CNTN4: variants seen among roughly 807,000 people sequenced by gnomAD.
The protein encoded by CNTN4 is contactin-4.
In CNTN4, 77 loss-of-function variants were observed where a neutral mutation model predicts 122.5. The ratio of observed to expected loss-of-function variants is 0.63; its 90% CI spans 0.52 to 0.76. The LOEUF is 0.76. Among genes scored for constraint, CNTN4 ranks in the 30% least tolerant of loss-of-function variants. The pLI, the probability that CNTN4 is intolerant of heterozygous loss-of-function variation, is 0.00. For synonymous variants in CNTN4, 512 were observed against 447.0 expected (o/e 1.15, Z -1.83); for missense variants, 1,256 against 1,259.1 (o/e 1.00, Z 0.04).
At chr3:2,519,373 A>C (rs1385423050) in intron 3 of CNTN4, among the ~76,000 whole-genome samples, 1 of 152,190 alleles carries the variant, frequency 6.6e-6, no homozygotes, top group African/African-American at 2.4e-5. Flanking sequence ...CATGATCTAC[A>C]GATTGTCTTG....
intron 3 of CNTN4, among the ~76,000 whole-genome samples, chr3:2,377,179 A>G (rs1378084063): frequency 6.6e-6 from 1 of 151,118 alleles, no homozygotes. Flanking sequence ...AAAAAAGAAA[A>G]TGACAGAGCT....
chr3:2,932,165 C>T (rs1378371671), intron 13 of CNTN4, among the ~76,000 whole-genome samples: 2 of 152,018 alleles, frequency 1.3e-5, no homozygotes, highest in South Asian at 4.2e-4. Flanking sequence ...ATCACGAGGT[C>T]AGGAGATCGA....
intron 14 of CNTN4, among the ~76,000 whole-genome samples, chr3:3,007,839 C>T (rs770164754): frequency 1.4e-4 from 22 of 152,026 alleles, no homozygotes; most frequent in Non-Finnish European, 2.5e-4. Context: ...ATCTTTTATC[C>T]CAATTAGAAT....
chr3:2,865,739 A>G (rs964186094), intron 7 of CNTN4, among the ~76,000 whole-genome samples: 8 of 152,214 alleles, frequency 5.3e-5, no homozygotes, highest in South Asian at 2.1e-4. Flanking sequence ...TTGGAGCACA[A>G]TAGTTCACTG....
chr3:2,121,514 A>T (rs74324015), intron 2 of CNTN4, among the ~76,000 whole-genome samples: 2 of 148,238 alleles, frequency 1.3e-5, no homozygotes, highest in Non-Finnish European at 1.5e-5. Flanking sequence ...AAAAAAAAAA[A>T]TGAAGTTGTG....
intron 8 of CNTN4, among the ~76,000 whole-genome samples, chr3:2,869,605 T>C (rs2093762431): frequency 6.6e-6 from 1 of 152,172 alleles, no homozygotes; most frequent in Admixed American, 6.5e-5. Context: ...GGAGGAATTA[T>C]TTGTTTTGTG....
intron 4 of CNTN4, among the ~76,000 whole-genome samples, chr3:2,642,620 A>T (rs927156891): frequency 1.3e-5 from 2 of 152,304 alleles, no homozygotes; most frequent in East Asian, 3.9e-4. Context: ...ATATGTATAC[A>T]TTCTTGTGTA....
intron 3 of CNTN4, among the ~76,000 whole-genome samples, chr3:2,421,860 C>G (rs1318075488): frequency 6.6e-6 from 1 of 152,082 alleles, no homozygotes; most frequent in African/African-American, 2.4e-5. Flanking sequence ...TAAGGAGAAA[C>G]TTTAGTCACA....
intron 12 of CNTN4, among the ~76,000 whole-genome samples, chr3:2,913,818 A>G (rs78311855): frequency 1.1e-4 from 16 of 152,208 alleles, no homozygotes; most frequent in African/African-American, 3.9e-4. Flanking sequence ...CCTAACAAGC[A>G]TATAAAGAAC....
At chr3:2,633,950 T>C (rs1470770401) in intron 4 of CNTN4, among the ~76,000 whole-genome samples, 1 of 152,232 alleles carries the variant, frequency 6.6e-6, no homozygotes, top group Non-Finnish European at 1.5e-5. Context: ...ATTGTTGATA[T>C]TGTAGATGAA....
intron 6 of CNTN4, among the ~76,000 whole-genome samples, chr3:2,791,400 G>T (rs1295232622): frequency 6.6e-6 from 1 of 151,980 alleles, no homozygotes; most frequent in Non-Finnish European, 1.5e-5. Flanking sequence ...GAGCATGGTG[G>T]CGTGTACCTC....
In CNTN4 at chr3:3,043,719, T is replaced by G. The variant is rs1217701117; in HGVS notation, c.2811+15T>G. Reference sequence around the variant, plus strand: ...AAGGATACAAAGTAGGTAATTTCTTTTTTGCAAAGGCACCTAATCGTGCTG... The same window carrying G: ...AAGGATACAAAGTAGGTAATTTCTTGTTTGCAAAGGCACCTAATCGTGCTG... On this transcript the variant is annotated intron_variant, in intron 23 of 24. Coordinates refer to ENST00000418658, the MANE Select transcript of CNTN4 (RefSeq NM_175607.3). The G allele has an allele frequency of 6.4e-7, 1 of 1,557,646 alleles. No homozygotes were observed. Among genetic ancestry groups the G allele is most frequent in the South Asian group, 1.1e-5 (1 of 89,812 alleles).
intron 4 of CNTN4, among the ~76,000 whole-genome samples, chr3:2,688,135 ACAGTATAC>A (rs1190530560): frequency 3.3e-5 from 5 of 152,244 alleles, no homozygotes; most frequent in Non-Finnish European, 5.9e-5. Context: ...ATATGAAAAT[ACAGTATAC>A]AGTTATTGAA....
Position 2,522,373 on chromosome 3 carries a change from C to T in CNTN4, c.-88-49043C>T, listed in dbSNP as rs902086809. ...CATTTTCCACAGAGACTCTAACAAA[C>T]GATGTAGTCTTAAATATCAATTGAT... On this transcript the variant is annotated intron_variant, in intron 3 of 24. Coordinates refer to ENST00000418658, the MANE Select transcript of CNTN4 (RefSeq NM_175607.3). Among the ~76,000 whole-genome samples, 4 of 151,946 alleles carry T rather than the reference C, an allele frequency of 2.6e-5. No individual in the cohort carries two copies. In the East Asian group the frequency reaches 5.8e-4, roughly 22 times the overall value.
chr3:2,125,993 G>T (rs2034136201), intron 2 of CNTN4, among the ~76,000 whole-genome samples: 1 of 151,932 alleles, frequency 6.6e-6, no homozygotes, highest in Admixed American at 6.6e-5. Flanking sequence ...ACCTCGTGAT[G>T]AGTGTGATCA....
At chr3:2,353,987 A>G (rs754803742) in intron 3 of CNTN4, among the ~76,000 whole-genome samples, 1 of 152,248 alleles carries the variant, frequency 6.6e-6, no homozygotes, top group African/African-American at 2.4e-5. Context: ...TATTTAGAGC[A>G]CATATGAAAT....
intron 4 of CNTN4, among the ~76,000 whole-genome samples, chr3:2,692,458 A>G (rs1288280694): frequency 6.6e-6 from 1 of 152,118 alleles, no homozygotes; most frequent in Non-Finnish European, 1.5e-5. Flanking sequence ...CATTGATTTC[A>G]TCAGTTGTTT....
At chr3:2,995,757 A>G (rs561668622) in intron 14 of CNTN4, among the ~76,000 whole-genome samples, 1 of 152,160 alleles carries the variant, frequency 6.6e-6, no homozygotes, top group African/African-American at 2.4e-5. Context: ...GTTGGTGACT[A>G]TGTGAGGAAA....
chr3:2,883,354 G>A (rs1577146067), intron 9 of CNTN4, 107 bp downstream of exon 9: 3 of 797,598 alleles, frequency 3.8e-6, no homozygotes, highest in East Asian at 5.5e-5. Context: ...GGAAAAGCAA[G>A]TGAAGCCTTT....
Sources: allele counts gnomAD v4.1 joint callset (sites outside exome capture counted in the v4.1 genomes callset), GRCh38; gene constraint gnomAD v4.1.1; transcripts MANE v1.5; gene names NCBI Gene and HGNC (gene_info 2026-07-23, HGNC 2026-07-21).